Variants in CTIF observed in about 807,000 individuals in gnomAD.
CTIF encodes the protein CBP80/20-dependent translation initiation factor.
A neutral mutation model predicts 66.0 loss-of-function variants in CTIF; 21 were observed. The ratio of observed to expected loss-of-function variants is 0.32; its 90% confidence interval spans 0.23 to 0.46. The LOEUF (loss-of-function observed/expected upper bound fraction) is 0.46. CTIF is among the 20% of genes least tolerant of loss of function. The pLI, the probability that CTIF is intolerant of heterozygous loss-of-function variation, is 1.00. For missense variants in CTIF, 739 were observed against 812.7 expected (o/e 0.91, Z 1.10); for synonymous variants, 345 against 326.4 (o/e 1.06, Z -0.62).
At chr18:48,718,736 CACCCCCTAGCCCAGTCAGGT>C (rs2092305707) in intron 7 of CTIF, among the ~76,000 whole-genome samples, 2 of 152,206 alleles carry the variant, frequency 1.3e-5, no homozygotes, top group Admixed American at 6.5e-5. Context: ...GCTAACTGGG[CACCCCCTAGCCCAGTCAGGT>C]TGACATGAAA....
chr18:48,698,964 G>A (rs2092045692), intron 6 of CTIF, among the ~76,000 whole-genome samples: 4 of 152,222 alleles, frequency 2.6e-5, no homozygotes, highest in South Asian at 4.2e-4. Context: ...TTGCCTGAAT[G>A]AATGAAACCA....
chr18:48,796,000 G>A (rs2067908242), intron 9 of CTIF, among the ~76,000 whole-genome samples: 1 of 152,006 alleles, frequency 6.6e-6, no homozygotes, highest in Admixed American at 6.6e-5. Context: ...GTGTTGGTTG[G>A]TTGGTTTGTT....
intron 6 of CTIF, among the ~76,000 whole-genome samples, chr18:48,710,302 A>G (rs1323462820): frequency 6.6e-6 from 1 of 152,198 alleles, no homozygotes; most frequent in Non-Finnish European, 1.5e-5. Flanking sequence ...GCTCTCCAGC[A>G]GCCTGGACCC....
intron 6 of CTIF, among the ~76,000 whole-genome samples, chr18:48,689,992 G>A (rs1409335731): frequency 6.6e-6 from 1 of 152,156 alleles, no homozygotes; most frequent in East Asian, 1.9e-4. Context: ...GCCAGGACTT[G>A]ATCCTAACTT....
At chr18:48,619,491 C>T in intron 1 of CTIF, 47 bp from the exon 2 acceptor site, 2 of 1,259,548 alleles carry the variant, frequency 1.6e-6, no homozygotes, top group Admixed American at 3.4e-5. Context: ...GCATCGTCGT[C>T]TCCTCCAGCA....
rs2069508976 is a variant in CTIF, at chr18:48,862,900, G to A, written c.*3341G>A. ...ACAGACAGACTCTCAGGCCTGCCTGGGGAGTCGTGTCCCTCAGCTGCAGGG... is the reference window on the plus strand; with the variant it reads ...ACAGACAGACTCTCAGGCCTGCCTGAGGAGTCGTGTCCCTCAGCTGCAGGG... On this transcript the variant is annotated 3_prime_UTR_variant, in exon 12 of 12. Coordinates refer to ENST00000256413, the MANE Select transcript of CTIF (RefSeq NM_014772.3). 1 of 152,280 alleles carries A rather than the reference G, an allele frequency of 6.6e-6. No homozygotes were observed. The highest frequency in any genetic ancestry group is 2.4e-5 in the African/African-American group (1 of 41,482). 9.4% of individuals were successfully genotyped at this position (152,280 alleles called of 1,614,324 possible).
At chr18:48,548,926 A>G (rs2088819719) in intron 1 of CTIF, among the ~76,000 whole-genome samples, 1 of 152,170 alleles carries the variant, frequency 6.6e-6, no homozygotes, top group South Asian at 2.1e-4. Flanking sequence ...GTAAGGTGGT[A>G]AGTATGGGGT....
chr18:48,675,466 T>C (rs562293907), intron 6 of CTIF, among the ~76,000 whole-genome samples: 1 of 152,284 alleles, frequency 6.6e-6, no homozygotes, highest in African/African-American at 2.4e-5. Context: ...GTGCTTGCTG[T>C]GGGAAGTCCC....
intron 3 of CTIF, 70 bp downstream of exon 3, chr18:48,636,755 C>A: frequency 2.4e-6 from 3 of 1,230,996 alleles, no homozygotes; most frequent in Non-Finnish European, 3.3e-6. Context: ...CTGGGCCGGC[C>A]CACAGTGGCT....
At chr18:48,797,135 C>G (rs1219568187) in intron 9 of CTIF, among the ~76,000 whole-genome samples, 1 of 152,170 alleles carries the variant, frequency 6.6e-6, no homozygotes, top group Non-Finnish European at 1.5e-5. Context: ...TAAACTATCC[C>G]TAATTTTTCT....
intron 9 of CTIF, among the ~76,000 whole-genome samples, chr18:48,781,267 G>A (rs1911186730): frequency 6.6e-6 from 1 of 152,242 alleles, no homozygotes; most frequent in South Asian, 2.1e-4. Flanking sequence ...CCGCAGCGGG[G>A]GCCGGGCCTG....
At chr18:48,683,491 C>T (rs371456713) in intron 6 of CTIF, among the ~76,000 whole-genome samples, 1 of 151,436 alleles carries the variant, frequency 6.6e-6, no homozygotes. Flanking sequence ...TGGCCTTGCC[C>T]TCCTTCTGGA....
chr18:48,611,956 C>T (rs1314270221), intron 1 of CTIF, among the ~76,000 whole-genome samples: 1 of 152,198 alleles, frequency 6.6e-6, no homozygotes, highest in Non-Finnish European at 1.5e-5. Flanking sequence ...GGTGGGGTGA[C>T]AGGGGATCAG....
At chr18:48,619,478 T>G (rs1381720500) in intron 1 of CTIF, 60 bp from the exon 2 acceptor site, 2 of 1,096,022 alleles carry the variant, frequency 1.8e-6, no homozygotes, top group East Asian at 2.9e-5. Flanking sequence ...TTCTCAGGTG[T>G]GGGCATCGTC....
intron 10 of CTIF, among the ~76,000 whole-genome samples, chr18:48,855,598 G>A (rs550248411): frequency 3.0e-4 from 45 of 152,308 alleles, no homozygotes; most frequent in Non-Finnish European, 3.5e-4. Flanking sequence ...GGACAGTAGC[G>A]TGGGCTGTGG....
intron 10 of CTIF, among the ~76,000 whole-genome samples, chr18:48,846,713 AGATGGGCG>A (rs1480510388): frequency 7.4e-6 from 1 of 134,868 alleles, no homozygotes; most frequent in Non-Finnish European, 1.6e-5. Flanking sequence ...AAGGATGGAT[AGATGGGCG>A]GATGGATGGA....
At chr18:48,686,081 T>C (rs893435940) in intron 6 of CTIF, among the ~76,000 whole-genome samples, 3 of 152,258 alleles carry the variant, frequency 2.0e-5, no homozygotes, top group Non-Finnish European at 4.4e-5. Flanking sequence ...TCACAAATTT[T>C]AGCATTCCTT....
At chr18:48,620,717 C>T (rs551740758) in intron 2 of CTIF, among the ~76,000 whole-genome samples, 3 of 152,322 alleles carry the variant, frequency 2.0e-5, no homozygotes, top group African/African-American at 2.4e-5. Context: ...GCCTCTCGTG[C>T]GTGTTATCCC....
intron 3 of CTIF, among the ~76,000 whole-genome samples, chr18:48,656,510 A>G (rs1207892812): frequency 6.6e-6 from 1 of 152,116 alleles, no homozygotes; most frequent in Non-Finnish European, 1.5e-5. Context: ...CCCTTTTAGG[A>G]GTCTGACCTC....
Sources: allele counts gnomAD v4.1 joint callset (sites outside exome capture counted in the v4.1 genomes callset), GRCh38; gene constraint gnomAD v4.1.1; transcripts MANE v1.5; gene names NCBI Gene and HGNC (gene_info 2026-07-23, HGNC 2026-07-21).